The following EGFR variants were observed in gnomAD, a reference collection of about 807,000 sequenced individuals.
EGFR encodes epidermal growth factor receptor.
EGFR carries 58 observed loss-of-function variants against 143.0 expected under a neutral mutation model. The ratio of observed to expected loss-of-function variants is 0.41; its 90% CI spans 0.33 to 0.50. The LOEUF is 0.50. Among genes scored for constraint, EGFR ranks in the 20% least tolerant of loss-of-function variants. The pLI is 0.39. For missense variants in EGFR, 1,307 were observed against 1,579.0 expected (o/e 0.83, Z 2.92); for synonymous variants, 613 against 594.4 (o/e 1.03, Z -0.45).
At chr7:55,053,760 G>A (rs1034172047) in intron 1 of EGFR, among the ~76,000 whole-genome samples, 1 of 152,246 alleles carries the variant, frequency 6.6e-6, no homozygotes, top group African/African-American at 2.4e-5. Flanking sequence ...CTTTGTCGCA[G>A]GAACCTCAGC....
Position 55,138,849 on chromosome 7 carries a change from A to C in EGFR, c.89-3437A>C, listed in dbSNP as rs148318330. Reference sequence around the variant, plus strand: ...TGGCTGGGAAGTCCAAGAGCATGGCATTGGCATCTGCTTGGCAGCTGGTGA... The same window carrying C: ...TGGCTGGGAAGTCCAAGAGCATGGCCTTGGCATCTGCTTGGCAGCTGGTGA... On this transcript the variant is annotated intron_variant, in intron 1 of 27. Coordinates refer to ENST00000275493, the MANE Select transcript of EGFR (RefSeq NM_005228.5). Among the ~76,000 whole-genome samples the C allele has an allele frequency of 8.0e-4, 122 of 152,336 alleles. 1 individual carries two copies. The highest frequency in any genetic ancestry group is 2.7e-3 in the African/African-American group (114 of 41,568).
chr7:55,100,926 A>G (rs1296213305), intron 1 of EGFR, among the ~76,000 whole-genome samples: 1 of 152,242 alleles, frequency 6.6e-6, no homozygotes, highest in Non-Finnish European at 1.5e-5. Flanking sequence ...AAACTGTCAT[A>G]AAAAATTGCT....
chr7:55,105,201 G>A (rs1000025564), intron 1 of EGFR, among the ~76,000 whole-genome samples: 1 of 152,100 alleles, frequency 6.6e-6, no homozygotes, highest in Non-Finnish European at 1.5e-5. Context: ...AAATGCTCAG[G>A]CAAGAATGAT....
chr7:55,170,259 TC>T, intron 15 of EGFR: 1 of 1,613,624 alleles, frequency 6.2e-7, no homozygotes, highest in Non-Finnish European at 8.5e-7. Context: ...ACACCAGGGC[TC>T]CCCAGGCCTC....
At chr7:55,050,865 T>C (rs1583913051) in intron 1 of EGFR, among the ~76,000 whole-genome samples, 1 of 152,230 alleles carries the variant, frequency 6.6e-6, no homozygotes, top group Admixed American at 6.5e-5. Flanking sequence ...GGTGTCTGCA[T>C]AGTCTGCAGC....
intron 1 of EGFR, among the ~76,000 whole-genome samples, chr7:55,020,714 T>A (rs1234490809): frequency 6.6e-6 from 1 of 152,040 alleles, no homozygotes; most frequent in Non-Finnish European, 1.5e-5. Flanking sequence ...AAGGTTTAAT[T>A]GCACAATTCC....
In EGFR at chr7:55,154,144, A is replaced by G. The variant is rs2128935169; in HGVS notation, c.881A>G (p.Lys294Arg). Reference protein sequence around the residue: ...KYSFGATCVKKCPRNYVVTDH... With the variant: ...KYSFGATCVKRCPRNYVVTDH... Reference sequence around the variant, plus strand: ...AGCTTTGGTGCCACCTGCGTGAAGAAGTGTCCCCGTGAGTCCTCCTCTGTG... The same window carrying G: ...AGCTTTGGTGCCACCTGCGTGAAGAGGTGTCCCCGTGAGTCCTCCTCTGTG... The change falls in exon 7 of 28, where the codon AAG (lysine) becomes AGG (arginine). Residue 294 changes from lysine (K) to arginine (R), a missense_variant. Coordinates refer to ENST00000275493, the MANE Select transcript of EGFR (RefSeq NM_005228.5). 6.2e-7 allele frequency: 1 copy of G among 1,614,248 alleles called. No individual in the cohort carries two copies. The highest frequency in any genetic ancestry group is 8.5e-7 in the Non-Finnish European group (1 of 1,180,048).
intron 1 of EGFR, among the ~76,000 whole-genome samples, chr7:55,124,067 CTAGT>C (rs1234338302): frequency 6.6e-6 from 1 of 152,030 alleles, no homozygotes; most frequent in African/African-American, 2.4e-5. Flanking sequence ...GTTCTAGAGT[CTAGT>C]TAGAGAAAGT....
chr7:55,185,718 G>A (rs936819628), intron 20 of EGFR, among the ~76,000 whole-genome samples: 25 of 152,208 alleles, frequency 1.6e-4, no homozygotes, highest in African/African-American at 5.5e-4. Flanking sequence ...CCTGAGGCCA[G>A]GCCTGGTGAA....
intron 1 of EGFR, among the ~76,000 whole-genome samples, chr7:55,047,429 A>G (rs1163022104): frequency 1.3e-5 from 2 of 152,242 alleles, no homozygotes; most frequent in African/African-American, 2.4e-5. Flanking sequence ...TATTGTGTGT[A>G]CTTGATCTGG....
chr7:55,034,790 T>C (rs1787462909), intron 1 of EGFR, among the ~76,000 whole-genome samples: 1 of 152,246 alleles, frequency 6.6e-6, no homozygotes, highest in South Asian at 2.1e-4. Context: ...TTGTTTTAAA[T>C]CTGTGAGTAA....
chr7:55,113,522 C>T (rs1439933361), intron 1 of EGFR, among the ~76,000 whole-genome samples: 1 of 152,114 alleles, frequency 6.6e-6, no homozygotes, highest in African/African-American at 2.4e-5. Context: ...GATGTTTTCC[C>T]CCCACAGACA....
At chr7:55,084,404 A>C (rs1461849700) in intron 1 of EGFR, among the ~76,000 whole-genome samples, 1 of 152,204 alleles carries the variant, frequency 6.6e-6, no homozygotes, top group South Asian at 2.1e-4. Flanking sequence ...GGCTCAGTCC[A>C]TTCTTCATGG....
At chr7:55,108,460 T>C (rs998891192) in intron 1 of EGFR, among the ~76,000 whole-genome samples, 3 of 152,222 alleles carry the variant, frequency 2.0e-5, no homozygotes, top group Non-Finnish European at 4.4e-5. Flanking sequence ...TTTTAGGTAC[T>C]TGAGTGAGTG....
chr7:55,019,336 C>T lies in EGFR; in HGVS notation c.59C>T (p.Pro20Leu), dbSNP rs1028735720. The T allele has an allele frequency of 6.6e-7, 1 of 1,518,732 alleles. No homozygotes were observed. Among genetic ancestry groups the T allele is most frequent in the Non-Finnish European group, 8.9e-7 (1 of 1,128,822 alleles). 94.1% of individuals were successfully genotyped at this position (1,518,732 alleles called of 1,614,324 possible). The change falls in exon 1 of 28, where the codon CCG (proline) becomes CTG (leucine). Residue 20 changes from proline to leucine, a missense_variant. Pro to Leu is a moderately conservative substitution (Grantham distance 98). Coordinates refer to ENST00000275493, the MANE Select transcript of EGFR (RefSeq NM_005228.5). ...CTGGCGCTGCTGGCTGCGCTCTGCC[C>T]GGCGAGTCGGGCTCTGGAGGAAAAG... Reference protein sequence around the residue: ...ALLALLAALCPASRALEEKKV... With the variant: ...ALLALLAALCLASRALEEKKV...
intron 19 of EGFR, chr7:55,179,974 C>T (rs908704091): frequency 1.3e-5 from 2 of 152,196 alleles, no homozygotes; most frequent in Admixed American, 1.3e-4. Flanking sequence ...GGTCCTGGAA[C>T]CAATTCCCCA....
intron 1 of EGFR, among the ~76,000 whole-genome samples, chr7:55,099,881 A>G (rs574423263): frequency 7.2e-5 from 11 of 152,214 alleles, no homozygotes; most frequent in Non-Finnish European, 1.3e-4. Context: ...AAACTTTTTA[A>G]TGGAAAAGGA....
chr7:55,079,947 C>G (rs759873680), intron 1 of EGFR, among the ~76,000 whole-genome samples: 2 of 152,214 alleles, frequency 1.3e-5, no homozygotes, highest in Non-Finnish European at 2.9e-5. Context: ...CAGTCCATAA[C>G]TTATCTTTCC....
intron 1 of EGFR, among the ~76,000 whole-genome samples, chr7:55,094,897 C>T (rs867623367): frequency 2.0e-5 from 3 of 152,120 alleles, no homozygotes; most frequent in Admixed American, 1.3e-4. Flanking sequence ...CATTTTGGAC[C>T]ATTTTGGACC....
Sources: gnomAD v4.1 joint callset for allele counts (sites outside exome capture counted in the v4.1 genomes callset) on GRCh38, gnomAD v4.1.1 for gene constraint, MANE v1.5 for transcripts, NCBI Gene and HGNC (gene_info 2026-07-23, HGNC 2026-07-21) for gene names.